Variants in CARMIL1 observed in about 807,000 individuals in gnomAD.
CARMIL1 encodes F-actin-uncapping protein LRRC16A.
CARMIL1 carries 90 observed loss-of-function variants against 177.1 expected under a neutral mutation model. The ratio of observed to expected loss-of-function variants is 0.51; its 90% CI spans 0.43 to 0.61. The LOEUF (loss-of-function observed/expected upper bound fraction) is 0.61, where lower values mean the gene tolerates loss of function less well. CARMIL1 is among the 20% of genes least tolerant of loss of function. The pLI is 0.00. For missense variants in CARMIL1, 1,380 were observed against 1,667.0 expected, an observed-to-expected ratio of 0.83 and a Z score of 3.00; for synonymous variants, 577 against 606.2, an observed-to-expected ratio of 0.95 and a Z score of 0.71.
chr6:25,410,313 C>T (rs529467681), intron 2 of CARMIL1, among the ~76,000 whole-genome samples: 42 of 152,204 alleles, frequency 2.8e-4, no homozygotes, highest in South Asian at 1.0e-3. Flanking sequence ...GGAGGGACTG[C>T]GGCAATAGAC....
At chr6:25,349,130 G>GGC (rs1227675664) in intron 2 of CARMIL1, among the ~76,000 whole-genome samples, 1 of 152,192 alleles carries the variant, frequency 6.6e-6, no homozygotes, top group Non-Finnish European at 1.5e-5. Context: ...TATCCTGGCA[G>GGC]GCAGGGCGCA....
intron 2 of CARMIL1, among the ~76,000 whole-genome samples, chr6:25,400,536 C>T (rs1210977846): frequency 6.6e-6 from 1 of 152,148 alleles, no homozygotes; most frequent in Admixed American, 6.5e-5. Context: ...ATCCATCCCC[C>T]CACCAGCTGT....
chr6:25,426,459 T>G, intron 3 of CARMIL1, 42 bp from the exon 4 acceptor site: 1 of 1,369,702 alleles, frequency 7.3e-7, no homozygotes, highest in Non-Finnish European at 1.0e-6. Flanking sequence ...TTTAAAACCC[T>G]CATTGCAGGT....
At chr6:25,557,371 T>C (rs1810718030) in intron 29 of CARMIL1, among the ~76,000 whole-genome samples, 1 of 152,184 alleles carries the variant, frequency 6.6e-6, no homozygotes, top group African/African-American at 2.4e-5. Context: ...CTTAATTTCT[T>C]ATCCATTTTC....
rs1297729297 is a variant in CARMIL1, at chr6:25,326,526, C to CAA, written c.138+41618_138+41619dup. ...AGGCTTGGTCTAGGGCAGTGCTTCT[C>CAA]AATGTGTGGTCTCAGGATCAGCCCT... On this transcript the variant is annotated intron_variant, in intron 2 of 36. Transcript: ENST00000329474. This position sits in a 1 kb window ranked among gnomAD's most constrained non-coding sequence, Gnocchi z 4.2. Among the ~76,000 whole-genome samples the CAA allele has an allele frequency of 6.6e-6, 1 of 152,170 alleles. No homozygotes were observed. The highest frequency in any genetic ancestry group is 1.5e-5 in the Non-Finnish European group (1 of 68,034).
chr6:25,355,082 C>T (rs1401154011), intron 2 of CARMIL1, among the ~76,000 whole-genome samples: 1 of 152,204 alleles, frequency 6.6e-6, no homozygotes, highest in Non-Finnish European at 1.5e-5. Flanking sequence ...TTTAGAGCCA[C>T]AGTCCAAAGG....
At chr6:25,347,692 T>C (rs1787662469) in intron 2 of CARMIL1, among the ~76,000 whole-genome samples, 1 of 152,226 alleles carries the variant, frequency 6.6e-6, no homozygotes, top group African/African-American at 2.4e-5. Context: ...CAGCTTTCCC[T>C]AATGTTAACA....
intron 2 of CARMIL1, among the ~76,000 whole-genome samples, chr6:25,345,454 C>T (rs1004949079): frequency 6.6e-6 from 1 of 152,158 alleles, no homozygotes; most frequent in Non-Finnish European, 1.5e-5. Context: ...CAGACCCCTT[C>T]ATCTGGCTGC....
chr6:25,438,441 T>A (rs1194063032), intron 5 of CARMIL1, among the ~76,000 whole-genome samples: 2 of 152,316 alleles, frequency 1.3e-5, no homozygotes, highest in East Asian at 3.9e-4. Flanking sequence ...GTAAGTGCTG[T>A]GAGAGAAATA....
intron 2 of CARMIL1, among the ~76,000 whole-genome samples, chr6:25,377,457 A>G (rs889005648): frequency 6.6e-6 from 1 of 152,130 alleles, no homozygotes; most frequent in Admixed American, 6.5e-5. Flanking sequence ...ACTACTGTGA[A>G]TGCAACTCTT....
At chr6:25,472,831 A>G (rs985260557) in intron 11 of CARMIL1, among the ~76,000 whole-genome samples, 14 of 152,208 alleles carry the variant, frequency 9.2e-5, no homozygotes, top group African/African-American at 2.9e-4. Context: ...CAAATTTATT[A>G]TCTCATACTG....
At chr6:25,473,803 A>G (rs1486529023) in intron 11 of CARMIL1, among the ~76,000 whole-genome samples, 2 of 152,238 alleles carry the variant, frequency 1.3e-5, no homozygotes, top group African/African-American at 4.8e-5. Context: ...AATTCTATTT[A>G]CCACTATTAT....
chr6:25,561,686 T>C (rs3827505), intron 29 of CARMIL1, among the ~76,000 whole-genome samples: 25,961 of 152,210 alleles, frequency 0.17, 2,481 homozygotes, highest in East Asian at 0.4. Context: ...ATGGCCTTAT[T>C]CTCAAGTACC....
At chr6:25,618,172 GT>G (rs1292763788) in intron 36 of CARMIL1, among the ~76,000 whole-genome samples, 2 of 151,934 alleles carry the variant, frequency 1.3e-5, no homozygotes, top group Non-Finnish European at 2.9e-5. Flanking sequence ...ACTCTATTAG[GT>G]TTGCATTTTG....
At chr6:25,346,163 A>G (rs921700920) in intron 2 of CARMIL1, among the ~76,000 whole-genome samples, 24 of 42,598 alleles carry the variant, frequency 5.6e-4, no homozygotes, top group African/African-American at 1.9e-3. Flanking sequence ...CATCTCATTC[A>G]GAGTAAAACT....
intron 8 of CARMIL1, among the ~76,000 whole-genome samples, chr6:25,459,277 T>TCTC (rs1450322009): frequency 1.4e-5 from 2 of 139,586 alleles, no homozygotes; most frequent in African/African-American, 5.2e-5. Flanking sequence ...TTTTTTTTTT[T>TCTC]TTTAAGACAG....
Position 25,379,256 on chromosome 6 carries a change from A to G in CARMIL1, c.139-40858A>G, listed in dbSNP as rs896805744. Reference sequence around the variant, plus strand: ...GCTTACAGTCCAGTAGGGCCATAAGATACATATTGAGGAAAGAAAGGGGGA... The same window carrying G: ...GCTTACAGTCCAGTAGGGCCATAAGGTACATATTGAGGAAAGAAAGGGGGA... On this transcript the variant is annotated intron_variant, in intron 2 of 36. Coordinates refer to ENST00000329474, the MANE Select transcript of CARMIL1 (RefSeq NM_017640.6). Among the ~76,000 whole-genome samples the G allele has an allele frequency of 1.1e-4, 17 of 152,192 alleles. 1 individual carries two copies. In the South Asian group the frequency reaches 2.1e-3, roughly 19 times the overall value.
At chr6:25,507,668 A>G (rs1039404405) in intron 17 of CARMIL1, among the ~76,000 whole-genome samples, 9 of 152,194 alleles carry the variant, frequency 5.9e-5, no homozygotes, top group African/African-American at 2.2e-4. Context: ...TTTTTACTGT[A>G]CTTTACAATG....
chr6:25,435,256 G>T (rs1380425487), intron 4 of CARMIL1, among the ~76,000 whole-genome samples: 1 of 152,134 alleles, frequency 6.6e-6, no homozygotes, highest in East Asian at 1.9e-4. Flanking sequence ...TTAAGAAAGT[G>T]CTTCTTTAAA....
Sources: gnomAD v4.1 joint callset for allele counts (sites outside exome capture counted in the v4.1 genomes callset) on GRCh38, gnomAD v4.1.1 for gene constraint, Gnocchi (gnomAD v3.1) non-coding constraint, MANE v1.5 for transcripts, NCBI Gene and HGNC (gene_info 2026-07-23, HGNC 2026-07-21) for gene names.